CCDC68: variants seen among roughly 807,000 people sequenced by gnomAD.
The protein encoded by CCDC68 is coiled-coil domain containing 68, also known as coiled-coil domain-containing protein 68.
A neutral mutation model predicts 47.1 loss-of-function variants in CCDC68; 45 were observed. The observed-to-expected ratio is 0.96, with a 90% CI of 0.75 to 1.23. The LOEUF (loss-of-function observed/expected upper bound fraction) is 1.23, where lower values mean the gene tolerates loss of function less well. CCDC68 is among the 50% of genes most tolerant of loss of function. The pLI is 0.00. For synonymous variants in CCDC68, 131 were observed against 129.5 expected (o/e 1.01, Z -0.08); for missense variants, 353 against 373.6 (o/e 0.94, Z 0.45).
intron 8 of CCDC68, among the ~76,000 whole-genome samples, chr18:54,923,151 C>A (rs1471287983): frequency 6.6e-6 from 1 of 152,114 alleles, no homozygotes; most frequent in Non-Finnish European, 1.5e-5. Context: ...TGGTCAGACT[C>A]AGGACTTTCC....
In CCDC68 at chr18:54,938,070, C is replaced by T. The variant is rs2044378412; in HGVS notation, c.232G>A (p.Asp78Asn). The T allele has an allele frequency of 6.2e-7, 1 of 1,613,620 alleles. No individual in the cohort carries two copies. Among genetic ancestry groups the T allele is most frequent in the Admixed American group, 1.7e-5 (1 of 59,958 alleles). Residue 78 changes from aspartate to asparagine, a missense_variant, in exon 5 of 12, where the codon GAT becomes AAT. Asp to Asn is a conservative substitution (Grantham distance 23). Transcript: ENST00000591504. ...CAACAAGAAGGATCCATTTCAGAAT[C>T]AGAGCCCTGTTGAAGGTTTCCACAG... ...KHCGNLQQGS[D>N]SEMDPSCCSL... is the part of the protein sequence containing the mutation.
Position 54,941,490 on chromosome 18 carries a change from T to C in CCDC68, c.118-407A>G, listed in dbSNP as rs74334129. ...TACAAAATAATTACTACCTAGTAAT[T>C]ACTACAAAATAATTACTATTAAGTA... is the stretch of plus-strand genomic sequence containing the variant. On this transcript the variant is annotated intron_variant, in intron 3 of 11. Transcript: ENST00000591504. 5.7e-4 allele frequency among the ~76,000 whole-genome samples: 64 copies of C among 112,878 alleles called. 1 individual carries two copies. Among genetic ancestry groups the C allele is most frequent in the Admixed American group, 4.9e-3 (54 of 11,024 alleles). The allele number at this position is 112,878 out of a possible 152,430, so 74.1% of individuals were successfully genotyped here. A position where few individuals can be genotyped will look rare whatever the true frequency, so the allele number is the denominator to read the frequency against.
intron 4 of CCDC68, among the ~76,000 whole-genome samples, chr18:54,940,552 C>T (rs1255687347): frequency 6.6e-6 from 1 of 152,160 alleles, no homozygotes; most frequent in Non-Finnish European, 1.5e-5. Flanking sequence ...AGGCTAAGTG[C>T]AGATTGCTCG....
intron 4 of CCDC68, among the ~76,000 whole-genome samples, chr18:54,940,343 C>G (rs914061473): frequency 6.6e-6 from 1 of 152,124 alleles, no homozygotes; most frequent in Non-Finnish European, 1.5e-5. Context: ...CTAAACATAA[C>G]CTTGTTTTCT....
At chr18:54,937,019 C>G in intron 5 of CCDC68, 61 bp from the exon 6 acceptor site, 2 of 1,558,780 alleles carry the variant, frequency 1.3e-6, no homozygotes, top group Non-Finnish European at 1.8e-6. Context: ...AAAGGCAGAA[C>G]AGTTTGATGG....
chr18:54,936,249 ATATATATTTAAAAATATATAG>A, intron 6 of CCDC68, among the ~76,000 whole-genome samples: 1 of 144,908 alleles, frequency 6.9e-6, no homozygotes, highest in East Asian at 2.0e-4. Flanking sequence ...ATATATAGTT[ATATATATTTAAAAATATATAG>A]TTATATATTT....
rs764543714 is a variant in CCDC68 at position 54,907,792 on chromosome 18, G to C, written c.944C>G (p.Ser315Cys). 4 of 1,583,812 alleles carry C rather than the reference G, an allele frequency of 2.5e-6. 1 individual carries two copies. The Admixed American group carries it at 6.7e-5, about 26-fold the overall frequency. The change falls in exon 11 of 12, where the codon TCT becomes TGT. Residue 315 changes from serine (S) to cysteine (C), a missense_variant. Transcript: ENST00000591504. ...TPRTKVSKAV[S>C]TSELKTEGVS... ...AAGAGGACAGAGACCTTACCTTGTA[G>C]AGACAGCCTTAGATACCTTTGTCCT...
At chr18:54,942,522 G>T (rs1426425328) in intron 3 of CCDC68, among the ~76,000 whole-genome samples, 153 bp downstream of exon 3, 1 of 152,102 alleles carries the variant, frequency 6.6e-6, no homozygotes, top group East Asian at 1.9e-4. Context: ...ACTAAACATG[G>T]GTTTAAACTT....
At position 54,919,288 on chromosome 18, in the gene CCDC68, G is replaced by A. The variant is rs771391383; in HGVS notation, c.772C>T (p.Arg258Cys). Residue 258 changes from arginine (R) to cysteine (C), a missense_variant, in exon 9 of 12, where the codon CGC (arginine) becomes TGC (cysteine). By Grantham distance (180) the Arg-to-Cys change is radical. Coordinates refer to ENST00000591504, the MANE Select transcript of CCDC68 (RefSeq NM_025214.3). ...AATCTGACCTCCTGGATGACACTGC[G>A]CAGGTTCTGATGTTGGGAGTGAATC... ...FVIHSQHQNL[R>C]SVIQEMEGLK... is the part of the protein sequence containing the mutation. 75 of 1,613,060 alleles carry A rather than the reference G, an allele frequency of 4.6e-5. No individual in the cohort carries two copies. The highest frequency in any genetic ancestry group is 8.8e-5 in the South Asian group (8 of 91,064).
intron 10 of CCDC68, among the ~76,000 whole-genome samples, chr18:54,916,281 C>T (rs537184683): frequency 3.3e-5 from 5 of 152,108 alleles, no homozygotes; most frequent in Non-Finnish European, 7.3e-5. Context: ...TTCAATGAGG[C>T]CTATCCTCAA....
intron 3 of CCDC68, among the ~76,000 whole-genome samples, chr18:54,941,352 ATTAG>A (rs959781528): frequency 9.9e-5 from 15 of 152,208 alleles, no homozygotes; most frequent in African/African-American, 1.4e-4. Flanking sequence ...CCAAAAAATT[ATTAG>A]TTAGTAATTA....
intron 1 of CCDC68, among the ~76,000 whole-genome samples, chr18:54,947,902 A>G (rs766661980): frequency 6.6e-6 from 1 of 152,254 alleles, no homozygotes; most frequent in Non-Finnish European, 1.5e-5. Context: ...TTCCTCAAAC[A>G]ATGATGCTAA....
chr18:54,920,628 T>A (rs2044041745), intron 8 of CCDC68, among the ~76,000 whole-genome samples: 1 of 152,182 alleles, frequency 6.6e-6, no homozygotes, highest in South Asian at 2.1e-4. Context: ...GAAATGCACA[T>A]CTAAACCACT....
At chr18:54,907,640 A>C (rs1914089026) in intron 11 of CCDC68, 146 bp downstream of exon 11, 2 of 583,628 alleles carry the variant, frequency 3.4e-6, no homozygotes, top group Non-Finnish European at 6.2e-6. Context: ...CAAGATTAAC[A>C]CAGTTCTGAA....
intron 1 of CCDC68, among the ~76,000 whole-genome samples, chr18:54,947,173 A>T (rs1372482349): frequency 6.6e-6 from 1 of 152,232 alleles, no homozygotes; most frequent in Non-Finnish European, 1.5e-5. Context: ...AGGGGATAAA[A>T]TTTTCAAAAT....
At chr18:54,913,330 G>A (rs769412930) in intron 10 of CCDC68, among the ~76,000 whole-genome samples, 1 of 152,180 alleles carries the variant, frequency 6.6e-6, no homozygotes, top group Non-Finnish European at 1.5e-5. Flanking sequence ...GGGTTTAAAA[G>A]GTTGTTCAAG....
intron 6 of CCDC68, among the ~76,000 whole-genome samples, chr18:54,935,200 G>T (rs1056088011): frequency 6.6e-6 from 1 of 152,092 alleles, no homozygotes; most frequent in Non-Finnish European, 1.5e-5. Flanking sequence ...CATACTTCCT[G>T]AACAGGTATA....
At chr18:54,922,358 G>A (rs1288645159) in intron 8 of CCDC68, among the ~76,000 whole-genome samples, 1 of 152,116 alleles carries the variant, frequency 6.6e-6, no homozygotes, top group Non-Finnish European at 1.5e-5. Context: ...AAGGCTTACC[G>A]CCCACAGAGA....
At chr18:54,957,059 T>G (rs564215955) in intron 1 of CCDC68, among the ~76,000 whole-genome samples, 1 of 152,284 alleles carries the variant, frequency 6.6e-6, no homozygotes, top group East Asian at 1.9e-4. Flanking sequence ...TGGATAGATG[T>G]TTTTCAGTTT....
Sources: allele counts gnomAD v4.1 joint callset (sites outside exome capture counted in the v4.1 genomes callset), GRCh38; gene constraint gnomAD v4.1.1; transcripts MANE v1.5; gene names NCBI Gene and HGNC (gene_info 2026-07-23, HGNC 2026-07-21).